OSBPL6: variants seen among roughly 807,000 people sequenced by gnomAD.
OSBPL6 encodes oxysterol-binding protein-related protein 6.
In OSBPL6, 49 loss-of-function variants were observed where a neutral mutation model predicts 125.8. That is an observed-to-expected ratio of 0.39 (90% confidence interval 0.31 to 0.49). OSBPL6 has a LOEUF of 0.49. Among genes scored for constraint, OSBPL6 ranks in the 20% least tolerant of loss-of-function variants. The probability of loss-of-function intolerance (pLI) is 0.88; values close to 1 mark genes in which losing one functional copy is unlikely to be tolerated. For missense variants in OSBPL6, 986 were observed against 1,135.4 expected, an observed-to-expected ratio of 0.87 and a Z score of 1.89; for synonymous variants, 394 against 391.8, an observed-to-expected ratio of 1.01 and a Z score of -0.07.
In OSBPL6 at chr2:178,382,450, G is replaced by A. The variant is rs776404390; in HGVS notation, c.1564G>A (p.Val522Met). The A allele has an allele frequency of 6.2e-7, 1 of 1,613,626 alleles. No homozygotes were observed. Among genetic ancestry groups the A allele is most frequent in the South Asian group, 1.1e-5 (1 of 90,972 alleles). ...ASDDESYISD[V>M]SDNISEDNTS... ...AGATGATGAGTCTTACATCAGTGAT[G>A]TGAGTGATAATATATCTGAAGACAA... The change falls in exon 16 of 25, where the codon GTG becomes ATG. Residue 522 changes from valine to methionine, a missense_variant. Physicochemically the swap from Val to Met is conservative, Grantham distance 21. Transcript: ENST00000190611.
In OSBPL6 at chr2:178,361,780, A is replaced by G. The variant is rs1692381682; in HGVS notation, c.1252A>G (p.Thr418Ala). ...GCAGGATCACAGTAAAGGCCACAGC[A>G]CGCAGATGGCACGGCTCCGACAGTC... ...SEQDHSKGHS[T>A]QMARLRQSLS... is the part of the protein sequence containing the mutation. Residue 418 changes from threonine to alanine, a missense_variant, in exon 13 of 25, where the codon ACG (threonine) becomes GCG (alanine). Thr to Ala is a moderately conservative substitution (Grantham distance 58, BLOSUM62 0). Transcript: ENST00000190611. 4 of 1,614,166 alleles carry G rather than the reference A, an allele frequency of 2.5e-6. No individual in the cohort carries two copies. Among genetic ancestry groups the G allele is most frequent in the Non-Finnish European group, 3.4e-6 (4 of 1,180,008 alleles).
intron 14 of OSBPL6, among the ~76,000 whole-genome samples, chr2:178,372,728 T>C (rs1693508970): frequency 6.6e-6 from 1 of 152,190 alleles, no homozygotes; most frequent in Non-Finnish European, 1.5e-5. Context: ...AATTAATAGC[T>C]GACATGTGTC....
intron 1 of OSBPL6, among the ~76,000 whole-genome samples, chr2:178,221,337 C>T (rs2090331630): frequency 6.6e-6 from 1 of 152,102 alleles, no homozygotes; most frequent in Admixed American, 6.5e-5. Flanking sequence ...AGGGTAGAAA[C>T]ATCACTGGGA....
intron 17 of OSBPL6, among the ~76,000 whole-genome samples, chr2:178,383,647 A>T (rs180956000): frequency 5.6e-4 from 85 of 152,276 alleles, no homozygotes; most frequent in African/African-American, 2.0e-3. Flanking sequence ...TTCACCCTTT[A>T]TCCCATATGG....
chr2:178,228,435 T>C (rs1348260210), intron 1 of OSBPL6, among the ~76,000 whole-genome samples: 1 of 152,150 alleles, frequency 6.6e-6, no homozygotes, highest in Non-Finnish European at 1.5e-5. Flanking sequence ...CTCGGGAGGC[T>C]GAGGCAGAAG....
intron 1 of OSBPL6, among the ~76,000 whole-genome samples, chr2:178,224,537 T>A (rs2090472104): frequency 6.6e-6 from 1 of 152,204 alleles, no homozygotes; most frequent in African/African-American, 2.4e-5. Flanking sequence ...CCTGAGTAAA[T>A]CCTGTGTCCA....
Position 178,328,398 on chromosome 2 carries a change from C to A in OSBPL6, c.318+20C>A. 6.2e-7 allele frequency: 1 copy of A among 1,605,742 alleles called. No individual in the cohort carries two copies. Among genetic ancestry groups the A allele is most frequent in the South Asian group, 1.1e-5 (1 of 88,980 alleles). ...CACAAGGTAACATTTTTATCATATT[C>A]AGGTTCAGACCATCTTCATAAATAA... is the stretch of plus-strand genomic sequence containing the variant. On this transcript the variant is annotated intron_variant, in intron 5 of 24. Coordinates refer to ENST00000190611, the MANE Select transcript of OSBPL6 (RefSeq NM_032523.4).
intron 1 of OSBPL6, among the ~76,000 whole-genome samples, chr2:178,205,979 T>G (rs760116353): frequency 2.0e-5 from 3 of 152,228 alleles, no homozygotes; most frequent in Admixed American, 6.5e-5. Context: ...TATTTCAAAC[T>G]GTTAAAATCT....
rs2304340 is a variant in OSBPL6 at position 178,395,655 on chromosome 2, A to G, written c.*96A>G. On this transcript the variant is annotated 3_prime_UTR_variant, in exon 25 of 25. Transcript: ENST00000190611. ...TATAGCTATGTGTGGTTTCTGGGTCAACTGAAAACCTACCATTTGCTTTTC... is the reference window on the plus strand; with the variant it reads ...TATAGCTATGTGTGGTTTCTGGGTCGACTGAAAACCTACCATTTGCTTTTC... The G allele has an allele frequency of 0.59, 566,193 of 952,490 alleles. 170,756 individuals are homozygous for G. The highest frequency in any genetic ancestry group is 0.73 in the African/African-American group (43,840 of 59,988). 59.0% of individuals were successfully genotyped at this position (952,490 alleles called of 1,614,324 possible).
chr2:178,394,288 A>T (rs1299004020), intron 23 of OSBPL6, 25 bp from the exon 24 acceptor site: 63 of 1,602,488 alleles, frequency 3.9e-5, no homozygotes, highest in Non-Finnish European at 5.0e-5. Context: ...ATAATATGTT[A>T]AAATATCAAC....
intron 2 of OSBPL6, among the ~76,000 whole-genome samples, chr2:178,296,846 T>C (rs1043624054): frequency 2.0e-5 from 3 of 152,146 alleles, no homozygotes; most frequent in Admixed American, 2.0e-4. Flanking sequence ...TGAGCAATAA[T>C]TGAAACCAAC....
intron 12 of OSBPL6, among the ~76,000 whole-genome samples, chr2:178,358,968 G>C (rs536432073): frequency 1.3e-5 from 2 of 152,104 alleles, no homozygotes; most frequent in African/African-American, 4.8e-5. Context: ...CCAGGAATTC[G>C]AGACAAGCAT....
At chr2:178,249,124 G>A (rs1431181787) in intron 1 of OSBPL6, among the ~76,000 whole-genome samples, 2 of 152,116 alleles carry the variant, frequency 1.3e-5, no homozygotes, top group South Asian at 2.1e-4. Flanking sequence ...CTTTTTAGCA[G>A]AGACTGGGTT....
intron 23 of OSBPL6, 147 bp downstream of exon 23, chr2:178,392,685 A>G (rs913947563): frequency 1.7e-5 from 18 of 1,077,360 alleles, no homozygotes; most frequent in Non-Finnish European, 2.3e-5. Flanking sequence ...GTGAGACTCT[A>G]TATCTCTAAA....
At chr2:178,393,474 C>A (rs928022210) in intron 23 of OSBPL6, among the ~76,000 whole-genome samples, 1 of 145,586 alleles carries the variant, frequency 6.9e-6, no homozygotes, top group Non-Finnish European at 1.5e-5. Context: ...GATCAATTTT[C>A]TGTTTCCCAT....
At chr2:178,263,795 A>G (rs1358006072) in intron 1 of OSBPL6, among the ~76,000 whole-genome samples, 1 of 133,508 alleles carries the variant, frequency 7.5e-6, no homozygotes, top group East Asian at 2.3e-4. Flanking sequence ...AGAGACACTC[A>G]ACTGTGTACA....
chr2:178,224,578 G>A (rs1425793457), intron 1 of OSBPL6, among the ~76,000 whole-genome samples: 7 of 152,150 alleles, frequency 4.6e-5, no homozygotes, highest in African/African-American at 1.7e-4. Flanking sequence ...AGAATTATAG[G>A]ACGCATTTTT....
chr2:178,220,491 A>G (rs774872277), intron 1 of OSBPL6, among the ~76,000 whole-genome samples: 2 of 151,966 alleles, frequency 1.3e-5, no homozygotes, highest in Non-Finnish European at 2.9e-5. Context: ...CATTTTGTAG[A>G]CACAGAGTCT....
chr2:178,393,565 C>T (rs941559040), intron 23 of OSBPL6, among the ~76,000 whole-genome samples: 38 of 152,272 alleles, frequency 2.5e-4, no homozygotes, highest in African/African-American at 9.1e-4. Flanking sequence ...CTATTTTGCC[C>T]TCTCTCTCTA....
Sources: gnomAD v4.1 joint callset for allele counts (sites outside exome capture counted in the v4.1 genomes callset) on GRCh38, gnomAD v4.1.1 for gene constraint, MANE v1.5 for transcripts, NCBI Gene and HGNC (gene_info 2026-07-23, HGNC 2026-07-21) for gene names.